NCAM2: variants seen among roughly 807,000 people sequenced by gnomAD.
NCAM2 encodes the protein neural cell adhesion molecule 2.
A neutral mutation model predicts 98.1 loss-of-function variants in NCAM2; 30 were observed. The observed-to-expected ratio is 0.31, with a 90% CI of 0.23 to 0.41. NCAM2 has a LOEUF of 0.41. Among genes scored for constraint, NCAM2 ranks in the 10% least tolerant of loss-of-function variants. The pLI is 1.00. For missense variants in NCAM2, 867 were observed against 1,005.8 expected (o/e 0.86, Z 1.87); for synonymous variants, 368 against 342.4 (o/e 1.07, Z -0.83).
Position 21,014,304 on chromosome 21 carries a change from G to T in NCAM2, c.55+15686G>T, listed in dbSNP as rs893048923. On this transcript the variant is annotated intron_variant, in intron 1 of 17. Transcript: ENST00000400546. ...CTGGACGTGGTGGTGCACACCTGTA[G>T]TTCCAGCTACTCTGGAGGCTGAGGC... 2.0e-5 allele frequency among the ~76,000 whole-genome samples: 3 copies of T among 151,790 alleles called. No individual in the cohort carries two copies. The South Asian group carries it at 6.2e-4, about 32-fold the overall frequency.
intron 1 of NCAM2, among the ~76,000 whole-genome samples, chr21:21,109,251 G>A (rs2066408152): frequency 6.6e-6 from 1 of 152,010 alleles, no homozygotes; most frequent in African/African-American, 2.4e-5. Flanking sequence ...AGTTAAATAT[G>A]GGTCTGTACT....
chr21:21,179,269 C>G (rs865956893), intron 1 of NCAM2, among the ~76,000 whole-genome samples: 2 of 151,598 alleles, frequency 1.3e-5, no homozygotes. Flanking sequence ...TCAACAGCTA[C>G]TTGGTAATGT....
chr21:21,059,183 A>G (rs1405020102), intron 1 of NCAM2, among the ~76,000 whole-genome samples: 1 of 151,992 alleles, frequency 6.6e-6, no homozygotes, highest in Non-Finnish European at 1.5e-5. Flanking sequence ...TTCAGTGTAC[A>G]GTATTTGAGA....
chr21:21,020,189 C>T (rs957395528), intron 1 of NCAM2, among the ~76,000 whole-genome samples: 5 of 152,088 alleles, frequency 3.3e-5, no homozygotes, highest in Non-Finnish European at 4.4e-5. Context: ...GTGCCCACCA[C>T]CAAGCCTGGC....
chr21:21,030,486 G>A (rs574815558), intron 1 of NCAM2, among the ~76,000 whole-genome samples: 1 of 152,182 alleles, frequency 6.6e-6, no homozygotes, highest in East Asian at 1.9e-4. Context: ...AGGGCTCTTG[G>A]GATTGTTTTA....
Position 21,411,056 on chromosome 21 carries a change from A to G in NCAM2, c.1383+595A>G, listed in dbSNP as rs13051724. On this transcript the variant is annotated intron_variant, in intron 10 of 17. Coordinates refer to ENST00000400546, the MANE Select transcript of NCAM2 (RefSeq NM_004540.5). ...TACACACATATATATATGTGTGTGT[A>G]TATATATATATATACACACACATAT... Among the ~76,000 whole-genome samples the G allele has an allele frequency of 2.0e-3, 135 of 66,450 alleles. 4 individuals are homozygous for G. Among genetic ancestry groups the G allele is most frequent in the South Asian group, 2.5e-3 (5 of 1,992 alleles). The allele number at this position is 66,450 out of a possible 152,430, so 43.6% of individuals were successfully genotyped here.
intron 5 of NCAM2, 105 bp downstream of exon 5, chr21:21,292,346 C>T (rs2147578458): frequency 9.3e-7 from 1 of 1,075,906 alleles, no homozygotes; most frequent in South Asian, 1.7e-5. Context: ...TCTAATAAAC[C>T]TCTTCTATAC....
intron 1 of NCAM2, among the ~76,000 whole-genome samples, chr21:21,007,621 G>A (rs2064135611): frequency 6.6e-6 from 1 of 152,130 alleles, no homozygotes; most frequent in Admixed American, 6.6e-5. Flanking sequence ...CATGACATCT[G>A]TAAACTATTA....
chr21:21,260,537 T>G (rs980103912), intron 1 of NCAM2, among the ~76,000 whole-genome samples: 3 of 143,736 alleles, frequency 2.1e-5, no homozygotes, highest in Non-Finnish European at 3.0e-5. Flanking sequence ...CAGAAGAGAC[T>G]GGGGGCTTCT....
intron 9 of NCAM2, among the ~76,000 whole-genome samples, chr21:21,386,866 G>A (rs2076280996): frequency 6.6e-6 from 1 of 152,066 alleles, no homozygotes; most frequent in Non-Finnish European, 1.5e-5. Context: ...TTTTGTAACT[G>A]GATTTATCAC....
At chr21:21,438,660 T>G (rs1231939280) in intron 12 of NCAM2, among the ~76,000 whole-genome samples, 1 of 152,184 alleles carries the variant, frequency 6.6e-6, no homozygotes, top group African/African-American at 2.4e-5. Flanking sequence ...ATGTATTCAT[T>G]GCCAAATCAT....
At chr21:21,464,071 A>G (rs1983353853) in intron 12 of NCAM2, among the ~76,000 whole-genome samples, 1 of 152,208 alleles carries the variant, frequency 6.6e-6, no homozygotes, top group Non-Finnish European at 1.5e-5. Flanking sequence ...GTGCATGTTT[A>G]AATTCTTTTG....
chr21:21,359,934 A>G (rs1195554663), intron 8 of NCAM2, among the ~76,000 whole-genome samples: 2 of 151,954 alleles, frequency 1.3e-5, no homozygotes, highest in Non-Finnish European at 2.9e-5. Context: ...GATTAAATAA[A>G]TTTGAATGAA....
chr21:21,380,232 A>G (rs2148083458), intron 9 of NCAM2, among the ~76,000 whole-genome samples: 1 of 152,282 alleles, frequency 6.6e-6, no homozygotes, highest in Admixed American at 6.5e-5. Flanking sequence ...TAAAACTTCT[A>G]TCCTTACTGA....
intron 1 of NCAM2, among the ~76,000 whole-genome samples, chr21:21,278,937 C>T (rs942341451): frequency 2.6e-5 from 4 of 151,906 alleles, no homozygotes; most frequent in African/African-American, 4.8e-5. Flanking sequence ...TTTATTTCTC[C>T]TATTTGCTGT....
chr21:21,378,347 G>A (rs561974591), intron 9 of NCAM2, among the ~76,000 whole-genome samples: 4 of 151,890 alleles, frequency 2.6e-5, no homozygotes, highest in African/African-American at 9.6e-5. Flanking sequence ...ACTTGTTATT[G>A]TTCATCTCTT....
chr21:21,239,963 G>C (rs1177722219), intron 1 of NCAM2, among the ~76,000 whole-genome samples: 1 of 151,706 alleles, frequency 6.6e-6, no homozygotes, highest in Non-Finnish European at 1.5e-5. Context: ...CTCTTTCTCT[G>C]TCTCTCTCCC....
intron 1 of NCAM2, among the ~76,000 whole-genome samples, chr21:21,272,805 G>C (rs1318637952): frequency 6.6e-6 from 1 of 152,148 alleles, no homozygotes; most frequent in East Asian, 1.9e-4. Flanking sequence ...AATAAGGTAA[G>C]ACAGAAAGAG....
chr21:21,519,184 G>T (rs889571400), intron 16 of NCAM2, among the ~76,000 whole-genome samples: 3 of 151,928 alleles, frequency 2.0e-5, no homozygotes, highest in Admixed American at 6.6e-5. Context: ...CATCTTCTTG[G>T]GTCAATGAAA....
Sources: allele counts gnomAD v4.1 joint callset (sites outside exome capture counted in the v4.1 genomes callset), GRCh38; gene constraint gnomAD v4.1.1; transcripts MANE v1.5; gene names NCBI Gene and HGNC (gene_info 2026-07-23, HGNC 2026-07-21).